LGR5: variants seen among roughly 807,000 people sequenced by gnomAD.
LGR5 encodes leucine rich repeat containing G protein-coupled receptor 5, also known as leucine-rich repeat-containing G protein-coupled receptor 5.
Under a neutral mutation model 76.7 loss-of-function variants are expected in LGR5, and 54 were observed. The ratio of observed to expected loss-of-function variants is 0.70; its 90% CI spans 0.57 to 0.88. The LOEUF (loss-of-function observed/expected upper bound fraction) is 0.88, where lower values mean the gene tolerates loss of function less well. Ranked by LOEUF, LGR5 falls within the 40% of genes least tolerant of loss-of-function variation. The pLI is 0.00. For synonymous variants in LGR5, 406 were observed against 421.9 expected (o/e 0.96, Z 0.46); for missense variants, 1,078 against 1,073.3 (o/e 1.00, Z -0.06).
rs981699970 is a variant in LGR5, at chr12:71,493,563, C to T, written c.213-11051C>T. On this transcript the variant is annotated intron_variant, in intron 1 of 17. Transcript: ENST00000266674. ...TAACTTCCTTCCTCTCTTTATGCTC[C>T]AGATAAAAATGTAATTGAGCAAAAG... Among the ~76,000 whole-genome samples the T allele has an allele frequency of 1.6e-4, 24 of 150,938 alleles. 1 individual carries two copies. The highest frequency in any genetic ancestry group is 5.7e-4 in the African/African-American group (23 of 40,320).
At chr12:71,536,481 T>C (rs1298487037) in intron 4 of LGR5, among the ~76,000 whole-genome samples, 1 of 152,202 alleles carries the variant, frequency 6.6e-6, no homozygotes, top group Non-Finnish European at 1.5e-5. Flanking sequence ...AGGTCTGTTG[T>C]ATTTTCTGGA....
chr12:71,501,084 A>G (rs1051588063), intron 1 of LGR5, among the ~76,000 whole-genome samples: 1 of 151,710 alleles, frequency 6.6e-6, no homozygotes, highest in African/African-American at 2.4e-5. Context: ...GATATGTTTT[A>G]AAAAAACAGA....
At chr12:71,552,968 C>T in intron 4 of LGR5, 105 bp from the exon 5 acceptor site, 1 of 971,452 alleles carries the variant, frequency 1.0e-6, no homozygotes. Context: ...GACCCCAGGC[C>T]CTGTTCCACT....
At chr12:71,557,498 A>G (rs1320048960) in intron 6 of LGR5, among the ~76,000 whole-genome samples, 1 of 152,190 alleles carries the variant, frequency 6.6e-6, no homozygotes, top group Non-Finnish European at 1.5e-5. Context: ...TTTCTCCTCT[A>G]GTCTGATTCT....
At chr12:71,498,125 TTC>T (rs1592492034) in intron 1 of LGR5, among the ~76,000 whole-genome samples, 1 of 152,152 alleles carries the variant, frequency 6.6e-6, no homozygotes, top group East Asian at 1.9e-4. Context: ...AAGGGCACCT[TTC>T]AATGAATGAG....
Position 71,573,857 on chromosome 12 carries a change from G to A in LGR5, c.1208+936G>A, listed in dbSNP as rs61062372. On this transcript the variant is annotated intron_variant, in intron 13 of 17. Transcript: ENST00000266674. The stretch of plus-strand genomic sequence containing the variant: ...AGAATAACATCTTGTTCTGAATTTC[G>A]TTGTGTTGCCCTTCTCTCACTTTTG... Among the ~76,000 whole-genome samples, 57 of 150,114 alleles carry A rather than the reference G, an allele frequency of 3.8e-4. 1 individual carries two copies. The East Asian group carries it at 9.0e-3, about 24-fold the overall frequency.
At chr12:71,453,728 GA>G (rs1303902988) in intron 1 of LGR5, among the ~76,000 whole-genome samples, 1 of 150,626 alleles carries the variant, frequency 6.6e-6, no homozygotes, top group Non-Finnish European at 1.5e-5. Flanking sequence ...TATATTAACT[GA>G]AAAAATAGTT....
At position 71,550,614 on chromosome 12, in the gene LGR5, C is replaced by A. The variant is rs533698955; in HGVS notation, c.429-2459C>A. On this transcript the variant is annotated intron_variant, in intron 4 of 17. Coordinates refer to ENST00000266674, the MANE Select transcript of LGR5 (RefSeq NM_003667.4). ...TAGCTGGGACTACAGATGTGCATCACCACACCCAGCTAATTTTTTTTGTAT... is the reference window on the plus strand; with the variant it reads ...TAGCTGGGACTACAGATGTGCATCAACACACCCAGCTAATTTTTTTTGTAT... Among the ~76,000 whole-genome samples the A allele has an allele frequency of 7.2e-5, 11 of 152,142 alleles. No individual in the cohort carries two copies. The East Asian group carries it at 1.9e-3, about 27-fold the overall frequency.
rs751153165 is a variant in LGR5 at position 71,583,863 on chromosome 12, C to T, written c.1853C>T (p.Ala618Val). ...VSSAVLAGVD[A>V]FTFGSFARHG... is the part of the protein sequence containing the mutation. ...AGTGCCGTGCTGGCTGGTGTGGATGCGTTCACTTTTGGCAGCTTTGCACGA... is the reference window on the plus strand; with the variant it reads ...AGTGCCGTGCTGGCTGGTGTGGATGTGTTCACTTTTGGCAGCTTTGCACGA... The change falls in exon 18 of 18, where the codon GCG becomes GTG. Residue 618 changes from alanine to valine, a missense_variant. Transcript: ENST00000266674. 1.1e-5 allele frequency: 18 copies of T among 1,613,956 alleles called. No individual in the cohort carries two copies. The highest frequency in any genetic ancestry group is 1.6e-4 in the Middle Eastern group (1 of 6,084).
At chr12:71,508,164 G>T (rs1874953988) in intron 2 of LGR5, among the ~76,000 whole-genome samples, 1 of 152,002 alleles carries the variant, frequency 6.6e-6, no homozygotes, top group South Asian at 2.1e-4. Context: ...GGAGGCAGAG[G>T]TTGCAGTGAG....
In LGR5 at chr12:71,584,854, A is replaced by T; in HGVS notation, c.*120A>T. On this transcript the variant is annotated 3_prime_UTR_variant, in exon 18 of 18. Coordinates refer to ENST00000266674, the MANE Select transcript of LGR5 (RefSeq NM_003667.4). ...AAACTCGGTTTAAAAACCAAAAAAG[A>T]ATCTCTCAGTTAGTAAGAAAAGGCT... is the stretch of plus-strand genomic sequence containing the variant. The T allele has an allele frequency of 2.0e-6, 2 of 1,007,412 alleles. No individual in the cohort carries two copies. Among genetic ancestry groups the T allele is most frequent in the South Asian group, 1.6e-5 (1 of 61,094 alleles). 62.4% of individuals were successfully genotyped at this position (1,007,412 alleles called of 1,614,324 possible).
At chr12:71,551,566 A>G (rs1225386299) in intron 4 of LGR5, among the ~76,000 whole-genome samples, 2 of 152,206 alleles carry the variant, frequency 1.3e-5, no homozygotes, top group Non-Finnish European at 2.9e-5. Context: ...AACAAGTGAG[A>G]GCTGTTGGAA....
At chr12:71,529,726 C>A (rs530912779) in intron 3 of LGR5, among the ~76,000 whole-genome samples, 5 of 152,238 alleles carry the variant, frequency 3.3e-5, no homozygotes, top group African/African-American at 1.2e-4. Flanking sequence ...AAGGCTGAGA[C>A]AGACAGATCA....
intron 3 of LGR5, among the ~76,000 whole-genome samples, chr12:71,528,790 C>T (rs1876150111): frequency 6.6e-6 from 1 of 152,170 alleles, no homozygotes; most frequent in African/African-American, 2.4e-5. Context: ...CTAGCAAAGT[C>T]TACCACCCAA....
chr12:71,522,152 C>G (rs571567899), intron 2 of LGR5, among the ~76,000 whole-genome samples: 1 of 152,260 alleles, frequency 6.6e-6, no homozygotes, highest in South Asian at 2.1e-4. Context: ...CACTAGGGAT[C>G]AGGGAATTCT....
chr12:71,543,937 CTTCGTT>C (rs1173180164), intron 4 of LGR5, among the ~76,000 whole-genome samples: 2 of 152,142 alleles, frequency 1.3e-5, no homozygotes, highest in Admixed American at 1.3e-4. Flanking sequence ...GAAAAAGGGT[CTTCGTT>C]TTCTATGAAG....
intron 14 of LGR5, among the ~76,000 whole-genome samples, chr12:71,578,561 A>T (rs1878956749): frequency 6.6e-6 from 1 of 152,202 alleles, no homozygotes; most frequent in Admixed American, 6.5e-5. Flanking sequence ...CCACCTGAAA[A>T]AATGAAGCTG....
chr12:71,503,690 G>A (rs1182402046), intron 1 of LGR5, among the ~76,000 whole-genome samples: 1 of 152,174 alleles, frequency 6.6e-6, no homozygotes, highest in African/African-American at 2.4e-5. Flanking sequence ...GGCCTGGTCT[G>A]AGAATACAAT....
chr12:71,570,901 T>C (rs1565769856), intron 11 of LGR5, among the ~76,000 whole-genome samples: 1 of 152,226 alleles, frequency 6.6e-6, no homozygotes, highest in Non-Finnish European at 1.5e-5. Flanking sequence ...CTATGTTACG[T>C]TATCTACCAA....
Sources: allele counts gnomAD v4.1 joint callset (sites outside exome capture counted in the v4.1 genomes callset), GRCh38; gene constraint gnomAD v4.1.1; transcripts MANE v1.5; gene names NCBI Gene and HGNC (gene_info 2026-07-23, HGNC 2026-07-21).